SYN3: variants seen among roughly 807,000 people sequenced by gnomAD.
SYN3 encodes synapsin-3.
SYN3 carries 35 observed loss-of-function variants against 65.8 expected under a neutral mutation model. The ratio of observed to expected loss-of-function variants is 0.53; its 90% CI spans 0.41 to 0.70. The LOEUF (loss-of-function observed/expected upper bound fraction) is 0.70, where lower values mean the gene tolerates loss of function less well. SYN3 is among the 30% of genes least tolerant of loss of function. The pLI is 0.00. For missense variants in SYN3, 680 were observed against 749.0 expected (o/e 0.91, Z 1.08); for synonymous variants, 270 against 292.9 (o/e 0.92, Z 0.80).
At chr22:32,880,960 G>A (rs868356339) in intron 4 of SYN3, among the ~76,000 whole-genome samples, 6 of 152,316 alleles carry the variant, frequency 3.9e-5, no homozygotes, top group Middle Eastern at 3.4e-3. Context: ...CCAGGGCAAT[G>A]GGGCCTCAAG....
intron 4 of SYN3, among the ~76,000 whole-genome samples, chr22:32,871,540 GT>G (rs1257074140): frequency 2.0e-5 from 3 of 152,158 alleles, no homozygotes; most frequent in African/African-American, 7.2e-5. Flanking sequence ...GAGATCCCTA[GT>G]GCCTTATCGT....
At chr22:32,567,524 A>C (rs990545024) in intron 7 of SYN3, among the ~76,000 whole-genome samples, 2 of 152,134 alleles carry the variant, frequency 1.3e-5, no homozygotes, top group African/African-American at 2.4e-5. Context: ...TTGGTCCTTA[A>C]TATGGAAGGG....
intron 6 of SYN3, among the ~76,000 whole-genome samples, chr22:32,763,779 A>G (rs1267792667): frequency 1.3e-5 from 2 of 152,172 alleles, no homozygotes; most frequent in East Asian, 3.9e-4. Flanking sequence ...AGGAAAGGCC[A>G]GGATCCCAAG....
chr22:32,686,964 G>A (rs954518630), intron 6 of SYN3, among the ~76,000 whole-genome samples: 1 of 151,984 alleles, frequency 6.6e-6, no homozygotes, highest in Non-Finnish European at 1.5e-5. Context: ...TATCAGCAGA[G>A]CTGGAAGTGG....
chr22:32,997,809 G>A (rs2052926190), intron 2 of SYN3, among the ~76,000 whole-genome samples: 5 of 151,976 alleles, frequency 3.3e-5, no homozygotes, highest in South Asian at 2.1e-4. Flanking sequence ...GGCAGATCAC[G>A]AGGTCAGGAG....
Position 33,037,996 on chromosome 22 carries a change from TA to T in SYN3, c.-163+20295del, listed in dbSNP as rs375298521. Among the ~76,000 whole-genome samples, 1,027 of 145,784 alleles carry T rather than the reference TA, an allele frequency of 7.0e-3. 7 individuals carry two copies. Among genetic ancestry groups the T allele is most frequent in the Non-Finnish European group, 6.7e-3 (441 of 65,924 alleles). On this transcript the variant is annotated intron_variant, in intron 1 of 13. Transcript: ENST00000358763. ...TGAATAAAATAAGAATGCATGAAGT[TA>T]AAAAAAAAAAGGAATAAAAACAAAA...
In SYN3 at chr22:33,006,544, A is replaced by G. The variant is rs765668968; in HGVS notation, c.119T>C (p.Met40Thr). The G allele has an allele frequency of 4.3e-6, 7 of 1,614,192 alleles. No homozygotes were observed. The South Asian group carries it at 6.6e-5, about 15-fold the overall frequency. ...CAGGGGCTGGGGGTGCCTCCTCTCC[A>G]TGGCGGGGGAAGCAGGTGAGCTGGT... ...SSTSSPASPA[M>T]ERRHPQPLAA... is the part of the protein sequence containing the mutation. Residue 40 changes from methionine (M) to threonine (T), a missense_variant, in exon 2 of 14, where the codon ATG (methionine) becomes ACG (threonine). By Grantham distance (81) the Met-to-Thr change is moderately conservative. Coordinates refer to ENST00000358763, the MANE Select transcript of SYN3 (RefSeq NM_003490.4).
chr22:32,812,494 C>T (rs1024372943), intron 6 of SYN3, among the ~76,000 whole-genome samples: 1 of 152,178 alleles, frequency 6.6e-6, no homozygotes, highest in Admixed American at 6.5e-5. Flanking sequence ...GGGCCTGTCA[C>T]TGATTGTGGG....
chr22:32,893,646 A>C (rs1370896523), intron 4 of SYN3, among the ~76,000 whole-genome samples: 1 of 152,018 alleles, frequency 6.6e-6, no homozygotes, highest in Non-Finnish European at 1.5e-5. Context: ...GAGTCTGGTA[A>C]GACCTGAGCA....
chr22:32,854,794 T>C (rs1206211163), intron 6 of SYN3, among the ~76,000 whole-genome samples: 1 of 152,122 alleles, frequency 6.6e-6, no homozygotes, highest in Non-Finnish European at 1.5e-5. Flanking sequence ...TGGCAAGCCT[T>C]GGGGGAGAAG....
At chr22:32,787,993 A>G (rs9609632) in intron 6 of SYN3, among the ~76,000 whole-genome samples, 1 of 151,976 alleles carries the variant, frequency 6.6e-6, no homozygotes, top group Non-Finnish European at 1.5e-5. Context: ...AGTGGGAGAG[A>G]CATGGACAGC....
At chr22:33,051,800 C>T (rs886583250) in intron 1 of SYN3, among the ~76,000 whole-genome samples, 1 of 152,106 alleles carries the variant, frequency 6.6e-6, no homozygotes, top group Admixed American at 6.6e-5. Context: ...TGGACTGAGC[C>T]GGAGTGCTCT....
At chr22:32,907,746 TGGAGC>T in intron 4 of SYN3, among the ~76,000 whole-genome samples, 1 of 152,328 alleles carries the variant, frequency 6.6e-6, no homozygotes, top group South Asian at 2.1e-4. Context: ...CTTGCTCTAA[TGGAGC>T]TTACGTAAAT....
intron 6 of SYN3, among the ~76,000 whole-genome samples, chr22:32,704,644 C>T (rs920197557): frequency 2.0e-5 from 3 of 152,224 alleles, no homozygotes; most frequent in Non-Finnish European, 4.4e-5. Flanking sequence ...AATCATCACA[C>T]TGCTTTCCAC....
At chr22:32,556,800 CCTGGT>C (rs1469808527) in intron 7 of SYN3, among the ~76,000 whole-genome samples, 277 of 11,968 alleles carry the variant, frequency 0.023, 57 homozygotes, top group African/African-American at 0.059. Context: ...CTATAGGTTT[CCTGGT>C]TTTTTTTTTT....
intron 7 of SYN3, among the ~76,000 whole-genome samples, chr22:32,574,500 G>A (rs764201959): frequency 2.6e-5 from 4 of 152,174 alleles, no homozygotes; most frequent in Non-Finnish European, 5.9e-5. Context: ...TCACCATCGT[G>A]TTCGATGCCA....
intron 9 of SYN3, among the ~76,000 whole-genome samples, chr22:32,534,435 G>C (rs1325348495): frequency 6.6e-6 from 1 of 152,162 alleles, no homozygotes; most frequent in Non-Finnish European, 1.5e-5. Context: ...CAGGGCCCGG[G>C]GCGGGTGGGC....
At chr22:32,989,600 C>T (rs1004521705) in intron 2 of SYN3, among the ~76,000 whole-genome samples, 1 of 151,916 alleles carries the variant, frequency 6.6e-6, no homozygotes, top group African/African-American at 2.4e-5. Flanking sequence ...TTTGGGAGGC[C>T]GAGGCGGGTG....
intron 12 of SYN3, among the ~76,000 whole-genome samples, chr22:32,525,702 C>A (rs1218073698): frequency 7.0e-6 from 1 of 141,970 alleles, no homozygotes; most frequent in Non-Finnish European, 1.5e-5. Context: ...CAAGGAGACT[C>A]CGTCTCAAAA....
Sources: gnomAD v4.1 joint callset for allele counts (sites outside exome capture counted in the v4.1 genomes callset) on GRCh38, gnomAD v4.1.1 for gene constraint, MANE v1.5 for transcripts, NCBI Gene and HGNC (gene_info 2026-07-23, HGNC 2026-07-21) for gene names.